NKAIN2: variants seen among roughly 807,000 people sequenced by gnomAD.
The protein encoded by NKAIN2 is sodium/potassium transporting ATPase interacting 2.
NKAIN2 carries 14 observed loss-of-function variants against 32.6 expected under a neutral mutation model. That is an observed-to-expected ratio of 0.43 (90% CI 0.28 to 0.67). The LOEUF (loss-of-function observed/expected upper bound fraction) is 0.67, where lower values mean the gene tolerates loss of function less well. Ranked by LOEUF, NKAIN2 falls within the 30% of genes least tolerant of loss-of-function variation. NKAIN2 has a pLI of 0.17. For synonymous variants in NKAIN2, 80 were observed against 87.2 expected, an observed-to-expected ratio of 0.92 and a Z score of 0.46; for missense variants, 198 against 258.3, an observed-to-expected ratio of 0.77 and a Z score of 1.60.
intron 3 of NKAIN2, among the ~76,000 whole-genome samples, chr6:124,493,109 C>T (rs1351624620): frequency 6.6e-6 from 1 of 151,966 alleles, no homozygotes; most frequent in Non-Finnish European, 1.5e-5. Context: ...AATTAGCACA[C>T]AGTGAGCACT....
chr6:124,410,822 G>A (rs1023556137), intron 3 of NKAIN2, among the ~76,000 whole-genome samples: 2 of 152,154 alleles, frequency 1.3e-5, no homozygotes, highest in Admixed American at 6.6e-5. Flanking sequence ...TATTGTGTGG[G>A]AGTCTAAGTT....
At chr6:124,322,544 C>T (rs1330729395) in intron 2 of NKAIN2, among the ~76,000 whole-genome samples, 1 of 152,104 alleles carries the variant, frequency 6.6e-6, no homozygotes, top group Non-Finnish European at 1.5e-5. Context: ...CCTCATCATC[C>T]CTACCATCCT....
chr6:124,121,041 T>C (rs1390000846), intron 1 of NKAIN2, among the ~76,000 whole-genome samples: 1 of 152,138 alleles, frequency 6.6e-6, no homozygotes, highest in African/African-American at 2.4e-5. Flanking sequence ...GAAGGCTAAA[T>C]AAAGATCAAT....
At chr6:124,209,658 G>T (rs1041673800) in intron 1 of NKAIN2, among the ~76,000 whole-genome samples, 1 of 151,856 alleles carries the variant, frequency 6.6e-6, no homozygotes, top group African/African-American at 2.4e-5. Context: ...TTTAACAATG[G>T]TAAGATGATC....
chr6:124,360,921 C>A (rs1394401430), intron 3 of NKAIN2, among the ~76,000 whole-genome samples: 1 of 152,152 alleles, frequency 6.6e-6, no homozygotes, highest in Non-Finnish European at 1.5e-5. Flanking sequence ...TCAAATGTGA[C>A]ATGGGTTATT....
intron 2 of NKAIN2, among the ~76,000 whole-genome samples, chr6:124,316,338 C>G (rs1489044644): frequency 6.6e-6 from 1 of 152,058 alleles, no homozygotes; most frequent in African/African-American, 2.4e-5. Context: ...TTTCTTAGCT[C>G]TCATAACTAC....
At chr6:124,033,776 T>A (rs1781499199) in intron 1 of NKAIN2, among the ~76,000 whole-genome samples, 1 of 152,158 alleles carries the variant, frequency 6.6e-6, no homozygotes, top group Non-Finnish European at 1.5e-5. Context: ...GGTCTTCTTA[T>A]AAAATGGGCT....
intron 1 of NKAIN2, among the ~76,000 whole-genome samples, chr6:124,074,626 T>C (rs1455677097): frequency 6.6e-6 from 1 of 152,188 alleles, no homozygotes; most frequent in Admixed American, 6.5e-5. Context: ...GTTCCAACCA[T>C]ACTGACACAC....
intron 1 of NKAIN2, among the ~76,000 whole-genome samples, chr6:124,281,502 A>G (rs939919195): frequency 6.6e-6 from 1 of 152,202 alleles, no homozygotes; most frequent in Non-Finnish European, 1.5e-5. Context: ...TGTGTTTATT[A>G]AGGAGTAAGA....
rs144050616 is a variant in NKAIN2, at chr6:124,218,277, G to A, written c.55-64728G>A. Reference sequence around the variant, plus strand: ...GCATGGAACTTGTTTTGGCGCGTGCGTGGAGTATTTTTAATGAAAATAAAA... The same window carrying A: ...GCATGGAACTTGTTTTGGCGCGTGCATGGAGTATTTTTAATGAAAATAAAA... On this transcript the variant is annotated intron_variant, in intron 1 of 6. Transcript: ENST00000368417. 1.8e-3 allele frequency among the ~76,000 whole-genome samples: 281 copies of A among 152,182 alleles called. 2 individuals carry two copies. The highest frequency in any genetic ancestry group is 0.012 in the South Asian group (58 of 4,820).
intron 1 of NKAIN2, among the ~76,000 whole-genome samples, chr6:123,928,688 A>T (rs986963200): frequency 2.0e-5 from 3 of 152,168 alleles, no homozygotes; most frequent in Non-Finnish European, 4.4e-5. Context: ...TTGTTTAACC[A>T]CTTTGTAAAA....
At chr6:124,306,394 G>A (rs1219131384) in intron 2 of NKAIN2, among the ~76,000 whole-genome samples, 6 of 152,102 alleles carry the variant, frequency 3.9e-5, no homozygotes. Context: ...TAGAAAGGCA[G>A]TGTGAATGCA....
At chr6:123,896,419 A>T (rs965215281) in intron 1 of NKAIN2, among the ~76,000 whole-genome samples, 3 of 152,164 alleles carry the variant, frequency 2.0e-5, no homozygotes, top group African/African-American at 7.2e-5. Context: ...TTTAAAAGAC[A>T]TATTCAAGTC....
In NKAIN2 at chr6:123,818,604, A is replaced by T. The variant is rs148874572; in HGVS notation, c.54+14350A>T. On this transcript the variant is annotated intron_variant, in intron 1 of 6. Transcript: ENST00000368417. The stretch of plus-strand genomic sequence containing the variant: ...TTATCCTGCTGTATAATTTTGCTTG[A>T]TCCAATTTGATTTCCTTCGGTAACA... Among the ~76,000 whole-genome samples the T allele has an allele frequency of 7.4e-4, 112 of 152,308 alleles. No individual in the cohort carries two copies. In the East Asian group the frequency reaches 0.019, roughly 26 times the overall value.
intron 3 of NKAIN2, among the ~76,000 whole-genome samples, chr6:124,631,081 A>G (rs1482737304): frequency 6.6e-6 from 1 of 152,186 alleles, no homozygotes; most frequent in Non-Finnish European, 1.5e-5. Context: ...AATTTGAGTC[A>G]TTCCTTTGGT....
chr6:124,375,797 G>A (rs1475940982), intron 3 of NKAIN2, among the ~76,000 whole-genome samples: 1 of 152,000 alleles, frequency 6.6e-6, no homozygotes, highest in Non-Finnish European at 1.5e-5. Flanking sequence ...TTTTTTAAAT[G>A]AAGAAACACA....
At chr6:124,480,614 T>G (rs1583314760) in intron 3 of NKAIN2, among the ~76,000 whole-genome samples, 1 of 130,072 alleles carries the variant, frequency 7.7e-6, no homozygotes, top group African/African-American at 2.7e-5. Flanking sequence ...TTATTATTAT[T>G]ATTACCATTA....
intron 4 of NKAIN2, among the ~76,000 whole-genome samples, chr6:124,760,509 G>C (rs1290839035): frequency 6.6e-6 from 1 of 151,788 alleles, no homozygotes; most frequent in Non-Finnish European, 1.5e-5. Flanking sequence ...GCTTCCAGGC[G>C]CTTCCAGAAC....
chr6:123,913,634 G>A (rs746234798), intron 1 of NKAIN2, among the ~76,000 whole-genome samples: 3 of 152,038 alleles, frequency 2.0e-5, no homozygotes, highest in Non-Finnish European at 4.4e-5. Flanking sequence ...TTTTGTTAGG[G>A]CTAAGTATGG....
Sources: allele counts gnomAD v4.1 joint callset (sites outside exome capture counted in the v4.1 genomes callset), GRCh38; gene constraint gnomAD v4.1.1; transcripts MANE v1.5; gene names NCBI Gene and HGNC (gene_info 2026-07-23, HGNC 2026-07-21).